CKAP5: variants seen among roughly 807,000 people sequenced by gnomAD.
The protein encoded by CKAP5 is cytoskeleton-associated protein 5.
A neutral mutation model predicts 232.8 loss-of-function variants in CKAP5; 27 were observed. The observed-to-expected ratio is 0.12, with a 90% CI of 0.09 to 0.16. The LOEUF (loss-of-function observed/expected upper bound fraction) is 0.16, where lower values mean the gene tolerates loss of function less well. Among genes scored for constraint, CKAP5 ranks in the 10% least tolerant of loss-of-function variants. The pLI, the probability that CKAP5 is intolerant of heterozygous loss-of-function variation, is 1.00. For missense variants in CKAP5, 1,838 were observed against 2,424.7 expected (o/e 0.76, Z 5.08); for synonymous variants, 785 against 841.1 (o/e 0.93, Z 1.16).
intron 16 of CKAP5, among the ~76,000 whole-genome samples, chr11:46,786,357 G>C (rs1457268802): frequency 6.6e-6 from 1 of 152,200 alleles, no homozygotes; most frequent in Non-Finnish European, 1.5e-5. Context: ...CCACTGGCAG[G>C]TGGGGGGACA....
chr11:46,765,785 AG>A (rs1347092770), intron 27 of CKAP5, among the ~76,000 whole-genome samples: 11 of 151,870 alleles, frequency 7.2e-5, no homozygotes, highest in Admixed American at 1.3e-4. Flanking sequence ...TTGTATTTTT[AG>A]TAGAGACAGG....
At chr11:46,752,774 G>T in intron 37 of CKAP5, 64 bp from the exon 38 acceptor site, 1 of 1,260,038 alleles carries the variant, frequency 7.9e-7, no homozygotes, top group Non-Finnish European at 1.2e-6. Flanking sequence ...AGAATCAGCA[G>T]TTGAAAGGGC....
At chr11:46,760,219 T>C (rs2065143146) in intron 33 of CKAP5, 1 of 228,832 alleles carries the variant, frequency 4.4e-6, no homozygotes, top group South Asian at 6.3e-5. Context: ...ACTTGATTCA[T>C]GGGGTACTTA....
chr11:46,759,196 C>A, intron 34 of CKAP5, 73 bp downstream of exon 34: 1 of 1,531,484 alleles, frequency 6.5e-7, no homozygotes, highest in Non-Finnish European at 8.9e-7. Flanking sequence ...CTGCACATTA[C>A]AAAGGGCACA....
intron 38 of CKAP5, among the ~76,000 whole-genome samples, chr11:46,752,191 T>TATATATATAC (rs1555160680): frequency 3.3e-4 from 24 of 73,140 alleles, no homozygotes; most frequent in African/African-American, 5.0e-4. Flanking sequence ...TATATATATA[T>TATATATATAC]ATACACACAC....
rs397848056 is a variant in CKAP5 at position 46,816,786 on chromosome 11, ATTTTTTTT to A, written c.252-390_252-383del. The stretch of plus-strand genomic sequence containing the variant: ...TAGGGTTACAGAATGCTTGCTTTCA[ATTTTTTTT>A]TTTTTTTTTTTTTTTTAAAGAGACA... On this transcript the variant is annotated intron_variant, in intron 3 of 43. Transcript: ENST00000529230. Among the ~76,000 whole-genome samples the A allele has an allele frequency of 1.1e-3, 142 of 127,186 alleles. No individual in the cohort carries two copies. In the Middle Eastern group the frequency reaches 0.012, roughly 11 times the overall value. The allele number at this position is 127,186 out of a possible 152,430, so 83.4% of individuals were successfully genotyped here.
chr11:46,770,490 G>A (rs772963230), intron 25 of CKAP5, among the ~76,000 whole-genome samples: 1 of 152,180 alleles, frequency 6.6e-6, no homozygotes, highest in Admixed American at 6.5e-5. Flanking sequence ...GGAGTGCAGT[G>A]GCACGATCTC....
intron 4 of CKAP5, among the ~76,000 whole-genome samples, chr11:46,812,293 T>G (rs1414485262): frequency 6.6e-6 from 1 of 151,818 alleles, no homozygotes; most frequent in Non-Finnish European, 1.5e-5. Context: ...ATCGCGCCAC[T>G]GCACTCCATC....
At chr11:46,754,244 G>A (rs901868176) in intron 36 of CKAP5, among the ~76,000 whole-genome samples, 3 of 152,096 alleles carry the variant, frequency 2.0e-5, no homozygotes, top group Admixed American at 1.3e-4. Context: ...TGATCCACCC[G>A]CCTTGGCCTC....
chr11:46,816,682 T>C (rs1049554679), intron 3 of CKAP5, among the ~76,000 whole-genome samples: 1 of 152,182 alleles, frequency 6.6e-6, no homozygotes, highest in African/African-American at 2.4e-5. Context: ...AAAACTACTT[T>C]CAACTTTTTG....
chr11:46,783,974 G>A (rs1333898728), intron 17 of CKAP5, among the ~76,000 whole-genome samples: 1 of 151,638 alleles, frequency 6.6e-6, no homozygotes. Flanking sequence ...CCAAAGTGCT[G>A]GGATTGCAGG....
At chr11:46,821,560 G>C (rs1939527884) in intron 1 of CKAP5, among the ~76,000 whole-genome samples, 3 of 151,766 alleles carry the variant, frequency 2.0e-5, no homozygotes, top group Admixed American at 2.0e-4. Flanking sequence ...GAGTAGCCGG[G>C]ACTACAGGCA....
chr11:46,784,229 G>A (rs563599962), intron 17 of CKAP5, among the ~76,000 whole-genome samples: 22 of 151,966 alleles, frequency 1.4e-4, no homozygotes, highest in East Asian at 2.0e-4. Context: ...TTAGGCAGGC[G>A]TGGTGGCAGG....
chr11:46,787,696 A>G (rs935615740), intron 16 of CKAP5, among the ~76,000 whole-genome samples: 15 of 152,232 alleles, frequency 9.9e-5, no homozygotes, highest in African/African-American at 3.1e-4. Context: ...CCTAAAAATG[A>G]GAAGAAAAAA....
chr11:46,783,394 G>A, intron 17 of CKAP5, 26 bp from the exon 18 acceptor site: 1 of 1,371,252 alleles, frequency 7.3e-7, no homozygotes, highest in Non-Finnish European at 1.0e-6. Context: ...CAGCAGATCT[G>A]TGTTTTATCT....
chr11:46,779,425 G>A (rs1435236147), intron 20 of CKAP5, among the ~76,000 whole-genome samples: 3 of 151,972 alleles, frequency 2.0e-5, no homozygotes, highest in Admixed American at 6.5e-5. Context: ...GAGCCACCAA[G>A]CCCGGCCAAA....
Position 46,763,627 on chromosome 11 carries a change from G to A in CKAP5, c.3541C>T (p.Leu1181=). ...CGTGGGGTAGTAAAATTCCACTTTAGCACCTGGAAAAAACAAACGGTGAAA... is the reference window on the plus strand; with the variant it reads ...CGTGGGGTAGTAAAATTCCACTTTAACACCTGGAAAAAACAAACGGTGAAA... ...RMKDEKGLKV[L]KWNFTTPRDE... is the part of the protein sequence containing the mutation. The change falls in exon 29 of 44, where the codon CTA becomes TTA. Residue 1181 remains leucine, a synonymous_variant. Transcript: ENST00000529230. The A allele has an allele frequency of 6.5e-7, 1 of 1,535,752 alleles. No homozygotes were observed. Among genetic ancestry groups the A allele is most frequent in the South Asian group, 1.2e-5 (1 of 80,026 alleles).
chr11:46,789,248 A>C (rs1483021763), intron 15 of CKAP5, among the ~76,000 whole-genome samples: 2 of 152,248 alleles, frequency 1.3e-5, no homozygotes, highest in African/African-American at 2.4e-5. Context: ...GGCTTCTGCC[A>C]TAAGTGACAG....
chr11:46,837,524 A>C (rs555652250), intron 1 of CKAP5, among the ~76,000 whole-genome samples: 35 of 152,332 alleles, frequency 2.3e-4, no homozygotes, highest in African/African-American at 6.3e-4. Context: ...CTCAGTACCC[A>C]GGTCTTGTTT....
Sources: allele counts gnomAD v4.1 joint callset (sites outside exome capture counted in the v4.1 genomes callset), GRCh38; gene constraint gnomAD v4.1.1; transcripts MANE v1.5; gene names NCBI Gene and HGNC (gene_info 2026-07-23, HGNC 2026-07-21).